The following PPFIA3 variants were observed in gnomAD, a reference collection of about 807,000 sequenced individuals.
The protein encoded by PPFIA3 is liprin-alpha-3.
In PPFIA3, 26 loss-of-function variants were observed where a neutral mutation model predicts 145.8. The observed-to-expected ratio is 0.18, with a 90% CI of 0.13 to 0.25. The LOEUF (loss-of-function observed/expected upper bound fraction) is 0.25. Among genes scored for constraint, PPFIA3 ranks in the 10% least tolerant of loss-of-function variants. The pLI is 1.00. For missense variants in PPFIA3, 1,008 were observed against 1,587.8 expected (o/e 0.63, Z 6.21); for synonymous variants, 645 against 661.4 (o/e 0.98, Z 0.38).
rs764607960 is a variant in PPFIA3, at chr19:49,133,379, G to C, written c.1161+8G>C. Reference sequence around the variant, plus strand: ...GTGGCGGCGCTCAACAAGGTGCGGGGAGGACTCGGGTCGGGGCCTTGCGTG... The same window carrying C: ...GTGGCGGCGCTCAACAAGGTGCGGGCAGGACTCGGGTCGGGGCCTTGCGTG... On this transcript the variant is annotated splice_region_variant and intron_variant, in intron 9 of 29. Coordinates refer to ENST00000334186, the MANE Select transcript of PPFIA3 (RefSeq NM_003660.4). The surrounding 1 kb of genome is among the most constrained non-coding windows in gnomAD (Gnocchi z 7.2). 8 of 1,595,426 alleles carry C rather than the reference G, an allele frequency of 5.0e-6. No individual in the cohort carries two copies. In the South Asian group the frequency reaches 8.9e-5, roughly 18 times the overall value.
intron 24 of PPFIA3, 34 bp from the exon 25 acceptor site, chr19:49,148,632 G>C (rs756056178): frequency 2.0e-6 from 3 of 1,538,006 alleles, no homozygotes; most frequent in South Asian, 1.1e-5. Flanking sequence ...GGACTGGAAA[G>C]CTCATCCGTG....
Position 49,150,301 on chromosome 19 carries a change from G to C in PPFIA3, c.*79G>C, listed in dbSNP as rs899494917. The C allele has an allele frequency of 9.1e-6, 7 of 772,290 alleles. No homozygotes were observed. Among genetic ancestry groups the C allele is most frequent in the African/African-American group, 8.8e-5 (5 of 57,030 alleles). The allele number at this position is 772,290 out of a possible 1,614,324, so 47.8% of individuals were successfully genotyped here. A position where few individuals can be genotyped will look rare whatever the true frequency, so the allele number is the denominator to read the frequency against. On this transcript the variant is annotated 3_prime_UTR_variant, in exon 30 of 30. Coordinates refer to ENST00000334186, the MANE Select transcript of PPFIA3 (RefSeq NM_003660.4). Reference sequence around the variant, plus strand: ...TGTTCCCTCTCCTGCCCGGACTGTGGCCTCGCCGGGGAGAGCGGGCGGGGG... The same window carrying C: ...TGTTCCCTCTCCTGCCCGGACTGTGCCCTCGCCGGGGAGAGCGGGCGGGGG...
In PPFIA3 at chr19:49,128,724, C is replaced by T; in HGVS notation, c.343-124C>T. On this transcript the variant is annotated intron_variant, in intron 3 of 29. Coordinates refer to ENST00000334186, the MANE Select transcript of PPFIA3 (RefSeq NM_003660.4). The surrounding 1 kb of genome is among the most constrained non-coding windows in gnomAD (Gnocchi z 4.1). ...GACCTCCTCTCTTTTCCTGACCTGT[C>T]TCGGTGCTCCTTTATATGGCTCCAT... 1 of 1,015,342 alleles carries T rather than the reference C, an allele frequency of 9.8e-7. No individual in the cohort carries two copies. Among genetic ancestry groups the T allele is most frequent in the African/African-American group, 1.6e-5 (1 of 61,556 alleles). 62.9% of individuals were successfully genotyped at this position (1,015,342 alleles called of 1,614,324 possible). A position where few individuals can be genotyped will look rare whatever the true frequency, so the allele number is the denominator to read the frequency against.
rs545320108 is a variant in PPFIA3, at chr19:49,121,501, G to T, written c.-16+1779G>T. Among the ~76,000 whole-genome samples the T allele has an allele frequency of 7.2e-5, 11 of 152,262 alleles. No homozygotes were observed. The East Asian group carries it at 1.9e-3, about 27-fold the overall frequency. On this transcript the variant is annotated intron_variant, in intron 1 of 29. Coordinates refer to ENST00000334186, the MANE Select transcript of PPFIA3 (RefSeq NM_003660.4). Reference sequence around the variant, plus strand: ...ATTAAAAAAAAATTTTTTTGGCCAGGCGCGGTGGCTCATGCCGGTAATCCC... The same window carrying T: ...ATTAAAAAAAAATTTTTTTGGCCAGTCGCGGTGGCTCATGCCGGTAATCCC...
chr19:49,139,848 G>A lies in PPFIA3; in HGVS notation c.2240+17G>A. On this transcript the variant is annotated intron_variant, in intron 17 of 29. Coordinates refer to ENST00000334186, the MANE Select transcript of PPFIA3 (RefSeq NM_003660.4). ...ACGGGGAAGGTCAGCAGGGACAAGG[G>A]ATAGGGACAGGGAGAAGCTGGCTTG... 1 of 1,610,452 alleles carries A rather than the reference G, an allele frequency of 6.2e-7. No homozygotes were observed.
At chr19:49,121,392 C>T (rs1251547813) in intron 1 of PPFIA3, among the ~76,000 whole-genome samples, 1 of 152,184 alleles carries the variant, frequency 6.6e-6, no homozygotes, top group Non-Finnish European at 1.5e-5. Context: ...TCACTGCAGC[C>T]TCCACCTCCT....
In PPFIA3 at chr19:49,120,769, G is replaced by T. The variant is rs760611135; in HGVS notation, c.-16+1047G>T. On this transcript the variant is annotated intron_variant, in intron 1 of 29. Transcript: ENST00000334186. This position sits in a 1 kb window ranked among gnomAD's most constrained non-coding sequence, Gnocchi z 4.6. ...TGGGGACCTAAATGTCTTGGTCCCA[G>T]TCTCCTATCCCCTCAGGGACCCAGG... Among the ~76,000 whole-genome samples, 6 of 152,180 alleles carry T rather than the reference G, an allele frequency of 3.9e-5. No individual in the cohort carries two copies. Among genetic ancestry groups the T allele is most frequent in the Non-Finnish European group, 5.9e-5 (4 of 68,016 alleles).
Position 49,150,525 on chromosome 19 carries a change from G to A in PPFIA3, c.*303G>A, listed in dbSNP as rs911352100. 1.8e-5 allele frequency: 3 copies of A among 166,132 alleles called. No homozygotes were observed. The Admixed American group carries it at 1.9e-4, about 11-fold the overall frequency. The allele number at this position is 166,132 out of a possible 1,614,324, so 10.3% of individuals were successfully genotyped here. On this transcript the variant is annotated 3_prime_UTR_variant, in exon 30 of 30. Coordinates refer to ENST00000334186, the MANE Select transcript of PPFIA3 (RefSeq NM_003660.4). The stretch of plus-strand genomic sequence containing the variant: ...ATTGATCAGTTTCTGTTGGGAGACG[G>A]GTGTCCTTTACCCGCGGGAAGGGGG...
rs773179233 is a variant in PPFIA3 at position 49,139,973 on chromosome 19, A to T, written c.2253A>T (p.Pro751=). The change falls in exon 18 of 30, where the codon CCA becomes CCT. Residue 751 remains proline, a synonymous_variant. Transcript: ENST00000334186. ...GGPPRGSEGT[P]DSLHKAPKKK... is the part of the protein sequence containing the mutation. ...CCTGCTTTCCCAGTGAGGGCACCCC[A>T]GATTCTCTGCACAAAGCCCCCAAGA... 1 of 1,614,188 alleles carries T rather than the reference A, an allele frequency of 6.2e-7. No individual in the cohort carries two copies. Among genetic ancestry groups the T allele is most frequent in the Non-Finnish European group, 8.5e-7 (1 of 1,180,032 alleles).
In PPFIA3 at chr19:49,146,879, G is replaced by A. The variant is rs950365088; in HGVS notation, c.2835+687G>A. ...CAGGAGGTAGAGGTTGCACTGAGCC[G>A]AGATTGCACCATTGTACTCCAGCCT... On this transcript the variant is annotated intron_variant, in intron 23 of 29. Transcript: ENST00000334186. Among the ~76,000 whole-genome samples the A allele has an allele frequency of 3.9e-5, 6 of 151,978 alleles. No homozygotes were observed. In the East Asian group the frequency reaches 5.8e-4, roughly 15 times the overall value.
chr19:49,138,056 A>G lies in PPFIA3; in HGVS notation c.1854-149A>G. Reference sequence around the variant, plus strand: ...CTCTCCTTGAGCCTGGAAGGCCTTCAGAAACCCACCAAAGTCCTCTGACGT... The same window carrying G: ...CTCTCCTTGAGCCTGGAAGGCCTTCGGAAACCCACCAAAGTCCTCTGACGT... On this transcript the variant is annotated intron_variant, in intron 15 of 29. Transcript: ENST00000334186. 6 of 1,304,426 alleles carry G rather than the reference A, an allele frequency of 4.6e-6. No homozygotes were observed. In the Admixed American group the frequency reaches 2.0e-4, roughly 43 times the overall value. The allele number at this position is 1,304,426 out of a possible 1,614,324, so 80.8% of individuals were successfully genotyped here. A position where few individuals can be genotyped will look rare whatever the true frequency, so the allele number is the denominator to read the frequency against.
Position 49,130,215 on chromosome 19 carries a change from C to T in PPFIA3, c.657+148C>T. The T allele has an allele frequency of 8.7e-7, 1 of 1,151,162 alleles. No individual in the cohort carries two copies. The highest frequency in any genetic ancestry group is 1.6e-5 in the South Asian group (1 of 63,586). The allele number at this position is 1,151,162 out of a possible 1,614,324, so 71.3% of individuals were successfully genotyped here. A position where few individuals can be genotyped will look rare whatever the true frequency, so the allele number is the denominator to read the frequency against. ...GAGCTTGGACCTCTGATTCAGGTCA[C>T]CTAGCGAACTTCTGTGACCTCCTTC... On this transcript the variant is annotated intron_variant, in intron 6 of 29. Transcript: ENST00000334186. The surrounding 1 kb of genome is among the most constrained non-coding windows in gnomAD (Gnocchi z 4.5).
chr19:49,133,459 G>A lies in PPFIA3; in HGVS notation c.1161+88G>A, dbSNP rs2041099675. 1 of 1,425,210 alleles carries A rather than the reference G, an allele frequency of 7.0e-7. No homozygotes were observed. Among genetic ancestry groups the A allele is most frequent in the Non-Finnish European group, 9.3e-7 (1 of 1,080,142 alleles). The allele number at this position is 1,425,210 out of a possible 1,614,324, so 88.3% of individuals were successfully genotyped here. A position where few individuals can be genotyped will look rare whatever the true frequency, so the allele number is the denominator to read the frequency against. On this transcript the variant is annotated intron_variant, in intron 9 of 29. Transcript: ENST00000334186. This position sits in a 1 kb window ranked among gnomAD's most constrained non-coding sequence, Gnocchi z 7.2. ...GCCGTGAATCTGGAGGGGTAGGAGCGAGGTCAGAACCCCGGATTTGGGGGA... is the reference window on the plus strand; with the variant it reads ...GCCGTGAATCTGGAGGGGTAGGAGCAAGGTCAGAACCCCGGATTTGGGGGA...
At chr19:49,139,575 C>A in intron 16 of PPFIA3, 93 bp from the exon 17 acceptor site, 1 of 1,363,626 alleles carries the variant, frequency 7.3e-7, no homozygotes, top group Non-Finnish European at 9.8e-7. Context: ...ACCAGGGTCA[C>A]CCCACACACA....
At chr19:49,137,182 A>C in intron 15 of PPFIA3, 1 of 354,836 alleles carries the variant, frequency 2.8e-6, no homozygotes, top group Non-Finnish European at 5.1e-6. Context: ...GTTCCTCTTG[A>C]TGCATCAAGA....
Position 49,127,805 on chromosome 19 carries a change from T to A in PPFIA3, c.-15-54T>A. The A allele has an allele frequency of 5.7e-6, 9 of 1,565,494 alleles. 1 individual carries two copies. In the South Asian group the frequency reaches 1.0e-4, roughly 18 times the overall value. ...GTATCCGAGTGGCTGTGCCTCAGTT[T>A]CTCTGTTGTGCCTTGACAAGGCCGG... On this transcript the variant is annotated intron_variant, in intron 1 of 29. Coordinates refer to ENST00000334186, the MANE Select transcript of PPFIA3 (RefSeq NM_003660.4).
At chr19:49,139,545 C>G in intron 16 of PPFIA3, 123 bp from the exon 17 acceptor site, 4 of 943,754 alleles carry the variant, frequency 4.2e-6, no homozygotes, top group Non-Finnish European at 4.4e-6. Flanking sequence ...GCTAGACTAC[C>G]TTCGTATACT....
chr19:49,146,038 G>C, intron 22 of PPFIA3, 33 bp downstream of exon 22: 1 of 1,610,802 alleles, frequency 6.2e-7, no homozygotes, highest in Non-Finnish European at 8.5e-7. Flanking sequence ...CTTGGGGGTG[G>C]CACTAACCTT....
At chr19:49,131,464 G>A (rs999639983) in intron 7 of PPFIA3, among the ~76,000 whole-genome samples, 5 of 151,488 alleles carry the variant, frequency 3.3e-5, no homozygotes, top group African/African-American at 1.2e-4. Flanking sequence ...TTACAGGTGT[G>A]AGCCACTGCG....
Sources: allele counts gnomAD v4.1 joint callset (sites outside exome capture counted in the v4.1 genomes callset), GRCh38; gene constraint gnomAD v4.1.1; non-coding constraint Gnocchi (gnomAD v3.1); transcripts MANE v1.5; gene names NCBI Gene and HGNC (gene_info 2026-07-23, HGNC 2026-07-21).